The following FAM114A1 variants were observed in gnomAD, a reference collection of about 807,000 sequenced individuals.
FAM114A1 encodes family with sequence similarity 114 member A1.
A neutral mutation model predicts 64.3 loss-of-function variants in FAM114A1; 62 were observed. The ratio of observed to expected loss-of-function variants is 0.96; its 90% CI spans 0.79 to 1.19. FAM114A1 has a LOEUF of 1.19. FAM114A1 is among the 50% of genes most tolerant of loss of function. The probability of loss-of-function intolerance (pLI) is 0.00; values close to 1 mark genes in which losing one functional copy is unlikely to be tolerated. For synonymous variants in FAM114A1, 254 were observed against 251.1 expected, an observed-to-expected ratio of 1.01 and a Z score of -0.11; for missense variants, 645 against 676.3, an observed-to-expected ratio of 0.95 and a Z score of 0.51.
intron 8 of FAM114A1, among the ~76,000 whole-genome samples, chr4:38,916,427 A>G (rs1286361350): frequency 6.6e-6 from 1 of 152,218 alleles, no homozygotes; most frequent in Non-Finnish European, 1.5e-5. Flanking sequence ...AAGAAGCACA[A>G]ATGTGTGTGG....
intron 4 of FAM114A1, among the ~76,000 whole-genome samples, chr4:38,895,591 T>A (rs949412881): frequency 1.4e-4 from 22 of 152,176 alleles, no homozygotes; most frequent in African/African-American, 4.3e-4. Flanking sequence ...AGGGAAGGGA[T>A]CACATAGGGT....
chr4:38,891,338 C>G (rs1350310247), intron 3 of FAM114A1, among the ~76,000 whole-genome samples: 1 of 141,988 alleles, frequency 7.0e-6, no homozygotes, highest in Non-Finnish European at 1.5e-5. Context: ...GTTAACTCTA[C>G]CTTGAAGAGC....
chr4:38,903,966 T>C lies in FAM114A1; in HGVS notation c.437-1556T>C, dbSNP rs142431195. ...TCACTAGGATAAATAAGGTTACAAC[T>C]GCTAAAATGCTACTCTTTAGGTTTG... On this transcript the variant is annotated intron_variant, in intron 4 of 14. Transcript: ENST00000358869. 4.1e-4 allele frequency among the ~76,000 whole-genome samples: 62 copies of C among 152,346 alleles called. 1 individual carries two copies. In the East Asian group the frequency reaches 0.011, roughly 28 times the overall value.
intron 4 of FAM114A1, among the ~76,000 whole-genome samples, chr4:38,899,651 C>T (rs78436732): frequency 0.018 from 2,690 of 152,214 alleles, 93 homozygotes; most frequent in African/African-American, 0.06. Flanking sequence ...ATAATTAGAA[C>T]TGTTATCTTT....
intron 3 of FAM114A1, among the ~76,000 whole-genome samples, chr4:38,878,835 A>G (rs1401879816): frequency 6.6e-6 from 1 of 152,214 alleles, no homozygotes; most frequent in South Asian, 2.1e-4. Context: ...ATCACACATC[A>G]TGACTCCAGA....
At position 38,932,330 on chromosome 4, in the gene FAM114A1, A is replaced by G. The variant is rs745717824; in HGVS notation, c.1419A>G (p.Gln473=). Residue 473 remains glutamine, a synonymous_variant, in exon 12 of 15, where the codon CAA becomes CAG. Transcript: ENST00000358869. ...TAGCAGAATTAATTCTTCATGGACA[A>G]GAAGAGGAAAAACCAGCTCAGGACC... The part of the protein sequence containing the change: ...HKVAELILHG[Q]EEEKPAQDQA... 4 of 1,613,200 alleles carry G rather than the reference A, an allele frequency of 2.5e-6. No homozygotes were observed. The South Asian group carries it at 4.4e-5, about 18-fold the overall frequency.
intron 7 of FAM114A1, among the ~76,000 whole-genome samples, chr4:38,911,350 C>T (rs565961235): frequency 1.3e-5 from 2 of 152,336 alleles, no homozygotes; most frequent in East Asian, 3.9e-4. Flanking sequence ...ACAGGTCTGC[C>T]TTAGTGCCCT....
At chr4:38,908,090 C>CT (rs1718191610) in intron 6 of FAM114A1, among the ~76,000 whole-genome samples, 1 of 152,112 alleles carries the variant, frequency 6.6e-6, no homozygotes. Flanking sequence ...CTGAAACAGC[C>CT]TGAGGGTCTT....
At chr4:38,914,807 A>T in intron 7 of FAM114A1, 114 bp from the exon 8 acceptor site, 1 of 1,177,796 alleles carries the variant, frequency 8.5e-7, no homozygotes, top group Non-Finnish European at 1.2e-6. Context: ...TAAAGTGACC[A>T]GAATCTCCCC....
At chr4:38,876,022 A>G (rs1408182749) in intron 2 of FAM114A1, among the ~76,000 whole-genome samples, 2 of 152,108 alleles carry the variant, frequency 1.3e-5, no homozygotes, top group Non-Finnish European at 2.9e-5. Flanking sequence ...CATGGTCTAG[A>G]CCTTCATCAG....
intron 8 of FAM114A1, among the ~76,000 whole-genome samples, chr4:38,921,487 C>T (rs1043315107): frequency 3.3e-5 from 5 of 152,178 alleles, no homozygotes; most frequent in African/African-American, 7.2e-5. Flanking sequence ...CCCTCAAACT[C>T]CTGGGCTCAA....
rs556228068 is a variant in FAM114A1, at chr4:38,939,634, A to T, written c.1537-1334A>T. ...CCCAGGAAGACATTACTTCACCCTC[A>T]GTAGAGTAACGTCAATGAAAGTGGG... is the stretch of plus-strand genomic sequence containing the variant. On this transcript the variant is annotated intron_variant, in intron 13 of 14. Coordinates refer to ENST00000358869, the MANE Select transcript of FAM114A1 (RefSeq NM_138389.4). Among the ~76,000 whole-genome samples the T allele has an allele frequency of 1.2e-3, 181 of 152,332 alleles. 1 individual carries two copies. Among genetic ancestry groups the T allele is most frequent in the Non-Finnish European group, 2.1e-3 (145 of 68,034 alleles).
intron 9 of FAM114A1, among the ~76,000 whole-genome samples, chr4:38,928,073 T>C (rs1438093624): frequency 6.6e-6 from 1 of 152,226 alleles, no homozygotes; most frequent in East Asian, 1.9e-4. Context: ...ATGTTTTGAA[T>C]AAATACCTAC....
intron 9 of FAM114A1, among the ~76,000 whole-genome samples, chr4:38,925,417 T>C (rs1720014327): frequency 6.6e-6 from 1 of 152,194 alleles, no homozygotes; most frequent in Non-Finnish European, 1.5e-5. Context: ...TAAGGAATCT[T>C]TGCAGTGGGG....
chr4:38,883,822 T>A (rs1715537705), intron 3 of FAM114A1, among the ~76,000 whole-genome samples: 1 of 152,204 alleles, frequency 6.6e-6, no homozygotes, highest in Non-Finnish European at 1.5e-5. Flanking sequence ...ACGTTCCTTA[T>A]TCTGTGTTCC....
At chr4:38,896,132 C>T (rs1164968731) in intron 4 of FAM114A1, among the ~76,000 whole-genome samples, 2 of 152,194 alleles carry the variant, frequency 1.3e-5, no homozygotes, top group Admixed American at 6.5e-5. Context: ...GCAAAGGGTA[C>T]ATGAGGAAAG....
At chr4:38,918,889 C>T (rs1423091796) in intron 8 of FAM114A1, among the ~76,000 whole-genome samples, 2 of 152,240 alleles carry the variant, frequency 1.3e-5, no homozygotes, top group Admixed American at 6.5e-5. Flanking sequence ...CAGTGGCTCA[C>T]GCCTGTAATC....
chr4:38,893,729 A>C (rs559295740), intron 4 of FAM114A1, among the ~76,000 whole-genome samples: 1 of 152,302 alleles, frequency 6.6e-6, no homozygotes, highest in South Asian at 2.1e-4. Context: ...TTTACTATCC[A>C]GCACCTTCTT....
Position 38,877,989 on chromosome 4 carries a change from T to C in FAM114A1, c.-8-82T>C, listed in dbSNP as rs939796237. On this transcript the variant is annotated intron_variant, in intron 2 of 14. Transcript: ENST00000358869. The stretch of plus-strand genomic sequence containing the variant: ...CAAAAAAAAAAAAAAAGTTTTCCCC[T>C]ACCAGATTTATTTATCCAGGGCTTT... 7.8e-6 allele frequency: 9 copies of C among 1,159,892 alleles called. No individual in the cohort carries two copies. In the Admixed American group the frequency reaches 2.4e-4, roughly 31 times the overall value. The allele number at this position is 1,159,892 out of a possible 1,614,324, so 71.9% of individuals were successfully genotyped here.
Sources: gnomAD v4.1 joint callset for allele counts (sites outside exome capture counted in the v4.1 genomes callset) on GRCh38, gnomAD v4.1.1 for gene constraint, MANE v1.5 for transcripts, NCBI Gene and HGNC (gene_info 2026-07-23, HGNC 2026-07-21) for gene names.